DOCK9: variants seen among roughly 807,000 people sequenced by gnomAD.
DOCK9 encodes dedicator of cytokinesis 9.
DOCK9 carries 89 observed loss-of-function variants against 263.3 expected under a neutral mutation model. That is an observed-to-expected ratio of 0.34 (90% CI 0.28 to 0.40). DOCK9 has a LOEUF of 0.40. Ranked by LOEUF, DOCK9 falls within the 10% of genes least tolerant of loss-of-function variation. The pLI is 1.00. For synonymous variants in DOCK9, 976 were observed against 973.1 expected (o/e 1.00, Z -0.06); for missense variants, 2,140 against 2,603.4 (o/e 0.82, Z 3.87).
At chr13:98,854,753 G>C (rs1370171486) in intron 34 of DOCK9, 1 of 152,104 alleles carries the variant, frequency 6.6e-6, no homozygotes, top group African/African-American at 2.4e-5. Context: ...ATACATGAAG[G>C]CATGTTGGGG....
In DOCK9 at chr13:98,995,046, G is replaced by A. The variant is rs1161680413; in HGVS notation, c.130-39495C>T. On this transcript the variant is annotated intron_variant, in intron 1 of 32. Coordinates refer to the DOCK9 transcript ENST00000427887. The stretch of plus-strand genomic sequence containing the variant: ...GGTGCTCTAAAGAAATGTACGCATG[G>A]GAAAAAAATCAAAAGGATGTGAATT... Among the ~76,000 whole-genome samples the A allele has an allele frequency of 2.6e-5, 4 of 152,136 alleles. No individual in the cohort carries two copies. In the East Asian group the frequency reaches 5.8e-4, roughly 22 times the overall value.
At chr13:98,869,581 G>T (rs2094136027) in intron 27 of DOCK9, among the ~76,000 whole-genome samples, 1 of 152,216 alleles carries the variant, frequency 6.6e-6, no homozygotes, top group African/African-American at 2.4e-5. Flanking sequence ...CAAGAGGGGG[G>T]TATTTTCATC....
chr13:98,957,066 C>G (rs1389634266), intron 1 of DOCK9, among the ~76,000 whole-genome samples: 1 of 152,102 alleles, frequency 6.6e-6, no homozygotes, highest in Non-Finnish European at 1.5e-5. Context: ...AAGATGTGGC[C>G]ACTGCCTCAT....
At chr13:98,919,938 T>C (rs1225944378) in intron 7 of DOCK9, among the ~76,000 whole-genome samples, 2 of 152,224 alleles carry the variant, frequency 1.3e-5, no homozygotes, top group Non-Finnish European at 2.9e-5. Context: ...ACTTTAAATT[T>C]ATGCTATCCC....
At chr13:99,039,931 C>T (rs962613980) in intron 1 of DOCK9, among the ~76,000 whole-genome samples, 1 of 152,206 alleles carries the variant, frequency 6.6e-6, no homozygotes, top group Non-Finnish European at 1.5e-5. Context: ...GTTTTCTCAT[C>T]TGTCAAATGG....
intron 1 of DOCK9, among the ~76,000 whole-genome samples, chr13:99,059,554 C>T (rs1299589734): frequency 6.6e-6 from 1 of 152,178 alleles, no homozygotes; most frequent in Non-Finnish European, 1.5e-5. Flanking sequence ...TTCACTGCAG[C>T]CAGAATGATC....
At chr13:98,885,199 C>G in intron 20 of DOCK9, 107 bp from the exon 21 acceptor site, 1 of 1,444,026 alleles carries the variant, frequency 6.9e-7, no homozygotes, top group East Asian at 2.4e-5. Context: ...CTTTTCCTAT[C>G]AATTAGAGTA....
At chr13:99,046,987 G>A (rs927706) in intron 1 of DOCK9, among the ~76,000 whole-genome samples, 96,808 of 152,092 alleles carry the variant, frequency 0.64, 31,306 homozygotes, top group East Asian at 0.9. Flanking sequence ...GACGAGTCCA[G>A]GTTTAATCTC....
In DOCK9 at chr13:98,888,635, G is replaced by C; in HGVS notation, c.1786C>G (p.Pro596Ala). The change falls in exon 16 of 53, where the codon CCT (proline) becomes GCT (alanine). Residue 596 changes from proline (P) to alanine (A), a missense_variant. Transcript: ENST00000682017. ...ITIDNVSSDF[P>A]NYVNSSYIPT... ...ATTATGTAGAACTGACACTTACTAG[G>C]GAAGTCTGAGGAAACATTATCAATT... 1 of 1,613,640 alleles carries C rather than the reference G, an allele frequency of 6.2e-7. No homozygotes were observed. The highest frequency in any genetic ancestry group is 1.1e-5 in the South Asian group (1 of 91,042).
chr13:98,827,698 C>T (rs2092599821), intron 43 of DOCK9, among the ~76,000 whole-genome samples: 1 of 152,236 alleles, frequency 6.6e-6, no homozygotes, highest in Admixed American at 6.5e-5. Flanking sequence ...TATGTACTGT[C>T]CAGTCCTCGG....
chr13:98,894,136 C>T (rs771822998), intron 15 of DOCK9, among the ~76,000 whole-genome samples: 6 of 152,168 alleles, frequency 3.9e-5, no homozygotes, highest in Admixed American at 6.5e-5. Context: ...GAAGACAGGA[C>T]CATGCACTGG....
chr13:99,052,724 C>G lies in DOCK9; in HGVS notation c.129+33499G>C, dbSNP rs948474983. Reference sequence around the variant, plus strand: ...CAAGTGGTCCTCCTACGTCAGACTCCTAAGTAACTGGGACTATAGACACAT... The same window carrying G: ...CAAGTGGTCCTCCTACGTCAGACTCGTAAGTAACTGGGACTATAGACACAT... On this transcript the variant is annotated intron_variant, in intron 1 of 32. Coordinates refer to the DOCK9 transcript ENST00000427887. 3.3e-5 allele frequency among the ~76,000 whole-genome samples: 5 copies of G among 151,686 alleles called. No homozygotes were observed. In the East Asian group the frequency reaches 9.6e-4, roughly 29 times the overall value.
chr13:98,853,494 G>A lies in DOCK9; in HGVS notation c.3860C>T (p.Ser1287Phe). 1 of 1,613,584 alleles carries A rather than the reference G, an allele frequency of 6.2e-7. No individual in the cohort carries two copies. Among genetic ancestry groups the A allele is most frequent in the Non-Finnish European group, 8.5e-7 (1 of 1,179,716 alleles). Residue 1287 changes from serine (S) to phenylalanine (F), a missense_variant, in exon 35 of 53, where the codon TCC (serine) becomes TTC (phenylalanine). Physicochemically the swap from Ser to Phe is radical, Grantham distance 155 (BLOSUM62 -2). Transcript: ENST00000682017. ...GTCAAGTTTATCACAGCGAACCACG[G>A]AATTTCCCAATGTGCTACTTTGTTG... The part of the protein sequence containing the change: ...KHQQSSTLGN[S>F]VVRCDKLDQS...
rs71114576 is a variant in DOCK9, at chr13:99,060,062, C to CTTTTTTTTTTTTTTT, written c.129+26146_129+26160dup. Among the ~76,000 whole-genome samples, 11 of 61,460 alleles carry CTTTTTTTTTTTTTTT rather than the reference C, an allele frequency of 1.8e-4. 1 individual carries two copies. The highest frequency in any genetic ancestry group is 8.7e-4 in the African/African-American group (11 of 12,596). The allele number at this position is 61,460 out of a possible 152,430, so 40.3% of individuals were successfully genotyped here. On this transcript the variant is annotated intron_variant, in intron 1 of 32. Transcript: ENST00000427887. ...AGTTACAGACATTTGATTGTTTCTA[C>CTTTTTTTTTTTTTTT]TTTTTTTTTTTTTTTTTTTTTTTTT... is the stretch of plus-strand genomic sequence containing the variant.
intron 1 of DOCK9, among the ~76,000 whole-genome samples, chr13:98,999,288 G>GCACACACACACACA (rs1412789503): frequency 8.0e-5 from 11 of 137,588 alleles, no homozygotes; most frequent in African/African-American, 1.7e-4. Flanking sequence ...ACGCATGCAC[G>GCACACACACACACA]CGCACACACA....
chr13:98,885,570 G>C, intron 20 of DOCK9, 138 bp downstream of exon 20: 1 of 877,084 alleles, frequency 1.1e-6, no homozygotes, highest in Non-Finnish European at 1.6e-6. Flanking sequence ...ATGCAACCCA[G>C]ACATGCTACA....
intron 45 of DOCK9, among the ~76,000 whole-genome samples, chr13:98,814,686 C>T (rs895708694): frequency 1.3e-5 from 2 of 152,134 alleles, no homozygotes. Context: ...TGCCTATAAT[C>T]CCAGCACTTT....
chr13:98,800,113 G>A (rs1395426784), intron 50 of DOCK9, among the ~76,000 whole-genome samples, 175 bp downstream of exon 50: 1 of 152,168 alleles, frequency 6.6e-6, no homozygotes, highest in Non-Finnish European at 1.5e-5. Flanking sequence ...CAGGGATCAT[G>A]AGGTTTCCTC....
chr13:98,917,455 C>T (rs906821623), intron 7 of DOCK9, among the ~76,000 whole-genome samples: 2 of 152,132 alleles, frequency 1.3e-5, no homozygotes, highest in African/African-American at 4.8e-5. Flanking sequence ...ACTTCACAGA[C>T]ATTGTCAATG....
Sources: allele counts gnomAD v4.1 joint callset (sites outside exome capture counted in the v4.1 genomes callset), GRCh38; gene constraint gnomAD v4.1.1; transcripts MANE v1.5; gene names NCBI Gene and HGNC (gene_info 2026-07-23, HGNC 2026-07-21).